The following XYLB variants were observed in gnomAD, a reference collection of about 807,000 sequenced individuals.
XYLB encodes xylulose kinase.
Under a neutral mutation model 78.7 loss-of-function variants are expected in XYLB, and 62 were observed. The ratio of observed to expected loss-of-function variants is 0.79; its 90% CI spans 0.64 to 0.97. XYLB has a LOEUF of 0.97. XYLB is among the 50% of genes least tolerant of loss of function. The pLI is 0.00. For synonymous variants in XYLB, 245 were observed against 247.4 expected, an observed-to-expected ratio of 0.99 and a Z score of 0.09; for missense variants, 687 against 676.8, an observed-to-expected ratio of 1.02 and a Z score of -0.17.
rs955855194 is a variant in XYLB, at chr3:38,413,078, A to G, written c.*65A>G. 8 of 1,466,940 alleles carry G rather than the reference A, an allele frequency of 5.5e-6. No individual in the cohort carries two copies. In the African/African-American group the frequency reaches 1.2e-4, roughly 21 times the overall value. 90.9% of individuals were successfully genotyped at this position (1,466,940 alleles called of 1,614,324 possible). A position where few individuals can be genotyped will look rare whatever the true frequency, so the allele number is the denominator to read the frequency against. ...ACCCCATTTGTCGACATGGCCCCAG[A>G]CAGGAGGGATCCACTTCTCTGTTCT... On this transcript the variant is annotated 3_prime_UTR_variant, in exon 19 of 19. Coordinates refer to ENST00000207870, the MANE Select transcript of XYLB (RefSeq NM_005108.4).
chr3:38,413,233 CA>C lies in XYLB; in HGVS notation c.*221del. The C allele has an allele frequency of 2.2e-6, 1 of 450,222 alleles. No homozygotes were observed. Among genetic ancestry groups the C allele is most frequent in the Non-Finnish European group, 3.8e-6 (1 of 260,210 alleles). 27.9% of individuals were successfully genotyped at this position (450,222 alleles called of 1,614,324 possible). A position where few individuals can be genotyped will look rare whatever the true frequency, so the allele number is the denominator to read the frequency against. On this transcript the variant is annotated 3_prime_UTR_variant, in exon 19 of 19. Coordinates refer to ENST00000207870, the MANE Select transcript of XYLB (RefSeq NM_005108.4). ...GCCCGTGTGCCCCAGGGCAGGAAAG[CA>C]TCTCTCTTTTCCTGTCTTTTATCCC...
intron 15 of XYLB, among the ~76,000 whole-genome samples, chr3:38,384,333 T>C (rs897167007): frequency 1.3e-5 from 2 of 152,234 alleles, no homozygotes; most frequent in African/African-American, 4.8e-5. Flanking sequence ...CCCAAAGTGC[T>C]GGGATTGCAA....
chr3:38,412,898 T>C (rs770231306), intron 18 of XYLB, 38 bp from the exon 19 acceptor site: 9 of 1,554,314 alleles, frequency 5.8e-6, no homozygotes, highest in African/African-American at 5.5e-5. Context: ...AGAGGCATTT[T>C]CCCCCTCTGT....
In XYLB at chr3:38,399,055, C is replaced by CA. The variant is rs200502675; in HGVS notation, c.1439-1827dup. On this transcript the variant is annotated intron_variant, in intron 17 of 18. Coordinates refer to ENST00000207870, the MANE Select transcript of XYLB (RefSeq NM_005108.4). ...CAAGACTCCATCTCAAAACAAAAAA[C>CA]AAAAAAAAACAAACTTCTTCTTCTT... 4.1e-3 allele frequency among the ~76,000 whole-genome samples: 622 copies of CA among 149,886 alleles called. 5 individuals are homozygous for CA. The highest frequency in any genetic ancestry group is 0.012 in the African/African-American group (500 of 40,886).
chr3:38,428,892 C>A, the XYLB span, among the ~76,000 whole-genome samples: 2 of 152,152 alleles, frequency 1.3e-5, no homozygotes, highest in African/African-American at 2.4e-5. Flanking sequence ...TATCTCCACT[C>A]CATATATTGG....
At chr3:38,361,379 A>G (rs1245335831) in intron 3 of XYLB, among the ~76,000 whole-genome samples, 1 of 152,218 alleles carries the variant, frequency 6.6e-6, no homozygotes, top group Non-Finnish European at 1.5e-5. Flanking sequence ...CAGTCCTCCA[A>G]TACCTATCTA....
chr3:38,430,375 A>C, the XYLB span, among the ~76,000 whole-genome samples: 2 of 152,088 alleles, frequency 1.3e-5, no homozygotes, highest in African/African-American at 4.8e-5. Flanking sequence ...GTCTGTTCAT[A>C]TCCTTTGCCC....
chr3:38,447,519 T>C, the XYLB span, among the ~76,000 whole-genome samples: 1 of 149,550 alleles, frequency 6.7e-6, no homozygotes, highest in African/African-American at 2.5e-5. Context: ...GGTCTCCCTA[T>C]GTTGGTCCAG....
intron 1 of XYLB, 100 bp downstream of exon 1, chr3:38,347,025 C>A: frequency 8.3e-7 from 1 of 1,200,522 alleles, no homozygotes; most frequent in Non-Finnish European, 1.1e-6. Flanking sequence ...TGGGCCCGGC[C>A]GCGGGCGCGC....
intron 3 of XYLB, 21 bp downstream of exon 3, chr3:38,360,429 TCTC>T (rs753779953): frequency 8.4e-6 from 13 of 1,551,024 alleles, no homozygotes; most frequent in South Asian, 2.4e-5. Flanking sequence ...GGATTCCTAT[TCTC>T]CTTCTATCCC....
chr3:38,405,012 T>C (rs900583750), intron 18 of XYLB, among the ~76,000 whole-genome samples: 1 of 152,124 alleles, frequency 6.6e-6, no homozygotes, highest in African/African-American at 2.4e-5. Context: ...TCAGGTAAGA[T>C]GGACAGCCAC....
Position 38,368,256 on chromosome 3 carries a change from TG to T in XYLB, c.646+1del. The T allele has an allele frequency of 6.2e-7, 1 of 1,614,132 alleles. No individual in the cohort carries two copies. On this transcript the variant is annotated frameshift_variant and splice_region_variant, in exon 8 of 19. Coordinates refer to ENST00000207870, the MANE Select transcript of XYLB (RefSeq NM_005108.4). LOFTEE classifies it high-confidence loss of function. Reference protein sequence around the residue: ...GSYSPIDYSDGSGMNLLQIQD... With the variant: ...GSYSPIDYSDXSGMNLLQIQD... ...CTTACTCCCCTATTGACTACAGTGA[TG>T]GTGAGCCTCGGGGTATGGGGTGGGT...
chr3:38,398,324 T>G (rs1707974339), intron 17 of XYLB, among the ~76,000 whole-genome samples: 1 of 151,392 alleles, frequency 6.6e-6, no homozygotes, highest in South Asian at 2.1e-4. Flanking sequence ...AAAAATTAGC[T>G]GGGCATAGTG....
At chr3:38,437,723 C>T in the XYLB span, among the ~76,000 whole-genome samples, 1 of 152,024 alleles carries the variant, frequency 6.6e-6, no homozygotes, top group African/African-American at 2.4e-5. Flanking sequence ...GCAGTAGGAT[C>T]ACTTAAGGCC....
the XYLB span, among the ~76,000 whole-genome samples, chr3:38,450,209 G>C: frequency 1.3e-5 from 2 of 152,202 alleles, no homozygotes; most frequent in East Asian, 3.8e-4. Flanking sequence ...CAGAAACTGA[G>C]AGAGGGTGAG....
chr3:38,440,508 A>G, the XYLB span, among the ~76,000 whole-genome samples: 10 of 152,202 alleles, frequency 6.6e-5, no homozygotes, highest in Admixed American at 3.9e-4. Flanking sequence ...GGAACCATCT[A>G]TCATCCTGTC....
intron 18 of XYLB, among the ~76,000 whole-genome samples, chr3:38,405,867 A>T (rs1013732098): frequency 3.9e-5 from 6 of 152,234 alleles, no homozygotes; most frequent in African/African-American, 1.4e-4. Flanking sequence ...TGCTTAGGTA[A>T]ACAAAGCAGC....
At position 38,397,210 on chromosome 3, in the gene XYLB, G is replaced by A. The variant is rs761158594; in HGVS notation, c.1438+51G>A. 2.5e-6 allele frequency: 4 copies of A among 1,569,116 alleles called. No individual in the cohort carries two copies. In the East Asian group the frequency reaches 6.7e-5, roughly 26 times the overall value. ...TCTCTGGAAGTGGCCAGGACATGGG[G>A]TGGGCTGAGGAGGGTGGAAAGGGGA... On this transcript the variant is annotated intron_variant, in intron 17 of 18. Coordinates refer to ENST00000207870, the MANE Select transcript of XYLB (RefSeq NM_005108.4).
chr3:38,444,923 A>G, the XYLB span, among the ~76,000 whole-genome samples: 1 of 152,226 alleles, frequency 6.6e-6, no homozygotes, highest in South Asian at 2.1e-4. Context: ...AGGAGGACTG[A>G]GGAAGGTCGG....
Sources: gnomAD v4.1 joint callset for allele counts (sites outside exome capture counted in the v4.1 genomes callset) on GRCh38, gnomAD v4.1.1 for gene constraint, MANE v1.5 for transcripts, NCBI Gene and HGNC (gene_info 2026-07-23, HGNC 2026-07-21) for gene names.